ZNF148: variants seen among roughly 807,000 people sequenced by gnomAD.
ZNF148 encodes zinc finger protein 148, also known as Beta-Enolase Repressor Factor-1.
ZNF148 carries 7 observed loss-of-function variants against 67.7 expected under a neutral mutation model. The ratio of observed to expected loss-of-function variants is 0.10; its 90% CI spans 0.06 to 0.19. The LOEUF is 0.19. ZNF148 is among the 10% of genes least tolerant of loss of function. The pLI is 1.00. For missense variants in ZNF148, 583 were observed against 947.1 expected (o/e 0.62, Z 5.05); for synonymous variants, 333 against 330.7 (o/e 1.01, Z -0.08).
intron 1 of ZNF148, among the ~76,000 whole-genome samples, chr3:125,340,945 G>A (rs1229001988): frequency 3.6e-4 from 45 of 126,098 alleles, no homozygotes; most frequent in African/African-American, 1.2e-3. Context: ...CCGAGATCCC[G>A]CCACTGCACT....
intron 1 of ZNF148, among the ~76,000 whole-genome samples, chr3:125,356,795 G>A (rs951040345): frequency 2.0e-5 from 3 of 152,136 alleles, no homozygotes; most frequent in Non-Finnish European, 2.9e-5. Flanking sequence ...TCCTGGCATC[G>A]TAAAAGGTGT....
chr3:125,332,611 A>G (rs754883422), intron 1 of ZNF148, among the ~76,000 whole-genome samples: 2 of 152,214 alleles, frequency 1.3e-5, no homozygotes, highest in Non-Finnish European at 2.9e-5. Context: ...GCCTCAACCA[A>G]TTACAGACTG....
At chr3:125,361,321 T>C (rs1942535008) in intron 1 of ZNF148, among the ~76,000 whole-genome samples, 1 of 152,146 alleles carries the variant, frequency 6.6e-6, no homozygotes, top group Admixed American at 6.5e-5. Context: ...CATTACTCAC[T>C]GAAACCATTC....
Position 125,227,246 on chromosome 3 carries a change from T to C in ZNF148, c.*5095A>G, listed in dbSNP as rs1479900368. The C allele has an allele frequency of 6.6e-6, 1 of 152,558 alleles. No homozygotes were observed. Among genetic ancestry groups the C allele is most frequent in the East Asian group, 1.9e-4 (1 of 5,202 alleles). 9.5% of individuals were successfully genotyped at this position (152,558 alleles called of 1,614,324 possible). On this transcript the variant is annotated 3_prime_UTR_variant, in exon 9 of 9. Coordinates refer to ENST00000360647, the MANE Select transcript of ZNF148 (RefSeq NM_021964.3). The stretch of plus-strand genomic sequence containing the variant: ...TACATATTTAATTATCAATAGGAAA[T>C]AGAAAATAAAAATTTACAGTGATTG...
At chr3:125,334,798 TCCAC>T (rs2107719411) in intron 1 of ZNF148, among the ~76,000 whole-genome samples, 1 of 151,868 alleles carries the variant, frequency 6.6e-6, no homozygotes, top group South Asian at 2.1e-4. Context: ...AACGACCACC[TCCAC>T]CACCACCCAC....
At chr3:125,269,379 T>G (rs1198185459) in intron 7 of ZNF148, among the ~76,000 whole-genome samples, 1 of 135,214 alleles carries the variant, frequency 7.4e-6, no homozygotes, top group Non-Finnish European at 1.6e-5. Flanking sequence ...ACATCATCTT[T>G]AAAAAAAAAA....
At chr3:125,272,660 T>C (rs1165976559) in intron 7 of ZNF148, among the ~76,000 whole-genome samples, 1 of 152,168 alleles carries the variant, frequency 6.6e-6, no homozygotes, top group Non-Finnish European at 1.5e-5. Context: ...ACTTTAATTA[T>C]ATACATATAT....
At chr3:125,320,462 T>G (rs1032248594) in intron 3 of ZNF148, among the ~76,000 whole-genome samples, 3 of 152,150 alleles carry the variant, frequency 2.0e-5, no homozygotes, top group African/African-American at 4.8e-5. Flanking sequence ...ATGAAAGAAA[T>G]AAATATTTCT....
intron 7 of ZNF148, among the ~76,000 whole-genome samples, chr3:125,248,576 C>A (rs534966347): frequency 3.9e-5 from 6 of 152,324 alleles, no homozygotes; most frequent in Admixed American, 3.3e-4. Context: ...TGACTAAAAT[C>A]ATTTTCCTAA....
At chr3:125,347,267 T>C (rs1015737417) in intron 1 of ZNF148, among the ~76,000 whole-genome samples, 1 of 152,174 alleles carries the variant, frequency 6.6e-6, no homozygotes, top group African/African-American at 2.4e-5. Flanking sequence ...CTTCACCAAA[T>C]CACCTACTGA....
intron 1 of ZNF148, among the ~76,000 whole-genome samples, chr3:125,365,948 A>G (rs988376655): frequency 6.6e-6 from 1 of 152,144 alleles, no homozygotes; most frequent in African/African-American, 2.4e-5. Flanking sequence ...GCCCTTCTTA[A>G]TATCTCCAGT....
At chr3:125,350,211 G>C (rs981232510) in intron 1 of ZNF148, among the ~76,000 whole-genome samples, 4 of 152,114 alleles carry the variant, frequency 2.6e-5, no homozygotes, top group African/African-American at 9.7e-5. Flanking sequence ...CCAGACTACA[G>C]TGCAGTGGCG....
intron 4 of ZNF148, among the ~76,000 whole-genome samples, chr3:125,289,141 A>G (rs1938868281): frequency 6.6e-6 from 1 of 152,224 alleles, no homozygotes; most frequent in Non-Finnish European, 1.5e-5. Flanking sequence ...AACTCAGGCT[A>G]TAAAATACAG....
chr3:125,305,604 G>A (rs933818089), intron 4 of ZNF148, among the ~76,000 whole-genome samples: 7 of 151,992 alleles, frequency 4.6e-5, no homozygotes, highest in African/African-American at 1.2e-4. Context: ...TCGAACCCAG[G>A]AGTGTGAGAC....
intron 7 of ZNF148, among the ~76,000 whole-genome samples, chr3:125,272,374 T>C (rs901710156): frequency 8.5e-5 from 13 of 152,242 alleles, no homozygotes; most frequent in African/African-American, 3.1e-4. Flanking sequence ...TACACATCTT[T>C]TTTAAATATA....
intron 3 of ZNF148, among the ~76,000 whole-genome samples, chr3:125,320,229 T>C: frequency 6.6e-6 from 1 of 152,146 alleles, no homozygotes; most frequent in African/African-American, 2.4e-5. Context: ...CCATTCCAAT[T>C]GAAAATTTAA....
At chr3:125,318,429 C>T (rs1385882347) in intron 3 of ZNF148, among the ~76,000 whole-genome samples, 1 of 152,036 alleles carries the variant, frequency 6.6e-6, no homozygotes, top group Non-Finnish European at 1.5e-5. Context: ...GCTAGGGATA[C>T]TACACAGAAG....
At chr3:125,362,287 A>AG (rs1458971311) in intron 1 of ZNF148, among the ~76,000 whole-genome samples, 17 of 152,172 alleles carry the variant, frequency 1.1e-4, no homozygotes, top group African/African-American at 3.9e-4. Flanking sequence ...TCCTCTTCAC[A>AG]GCTTCTAAAA....
rs1935687067 is a variant in ZNF148, at chr3:125,227,457, A to G, written c.*4884T>C. The G allele has an allele frequency of 6.6e-6, 1 of 152,612 alleles. No individual in the cohort carries two copies. The highest frequency in any genetic ancestry group is 2.4e-5 in the African/African-American group (1 of 41,442). 9.5% of individuals were successfully genotyped at this position (152,612 alleles called of 1,614,324 possible). A position where few individuals can be genotyped will look rare whatever the true frequency, so the allele number is the denominator to read the frequency against. On this transcript the variant is annotated 3_prime_UTR_variant, in exon 9 of 9. Transcript: ENST00000360647. ...GTGCTCCACCATCAGGATTTCCATC[A>G]CACACATTTAATTTCTTCTGTACAA... is the stretch of plus-strand genomic sequence containing the variant.
Sources: gnomAD v4.1 joint callset for allele counts (sites outside exome capture counted in the v4.1 genomes callset) on GRCh38, gnomAD v4.1.1 for gene constraint, MANE v1.5 for transcripts, NCBI Gene and HGNC (gene_info 2026-07-23, HGNC 2026-07-21) for gene names.